The following NDUFV2 variants were observed in gnomAD, a reference collection of about 807,000 sequenced individuals.
NDUFV2 encodes the protein NADH dehydrogenase [ubiquinone] flavoprotein 2, mitochondrial.
Under a neutral mutation model 31.6 loss-of-function variants are expected in NDUFV2, and 18 were observed. The ratio of observed to expected loss-of-function variants is 0.57; its 90% CI spans 0.39 to 0.84. The LOEUF (loss-of-function observed/expected upper bound fraction) is 0.84, where lower values mean the gene tolerates loss of function less well. Ranked by LOEUF, NDUFV2 falls within the 40% of genes least tolerant of loss-of-function variation. The probability of loss-of-function intolerance (pLI) is 0.00; values close to 1 mark genes in which losing one functional copy is unlikely to be tolerated. For missense variants in NDUFV2, 314 were observed against 303.6 expected, an observed-to-expected ratio of 1.03 and a Z score of -0.26; for synonymous variants, 83 against 99.8, an observed-to-expected ratio of 0.83 and a Z score of 1.01.
intron 4 of NDUFV2, among the ~76,000 whole-genome samples, chr18:9,119,863 A>T (rs796446576): frequency 4.5e-4 from 69 of 152,238 alleles, no homozygotes; most frequent in African/African-American, 1.6e-3. Flanking sequence ...GGTCAAAGAT[A>T]AAAGATTCCA....
chr18:9,128,582 G>A (rs997266599), intron 7 of NDUFV2, among the ~76,000 whole-genome samples: 4 of 152,014 alleles, frequency 2.6e-5, no homozygotes, highest in African/African-American at 9.7e-5. Flanking sequence ...CTTTATGGAG[G>A]CAACTGAAGT....
chr18:9,117,623 G>A (rs2077905341), intron 1 of NDUFV2: 3 of 498,768 alleles, frequency 6.0e-6, no homozygotes, highest in East Asian at 6.9e-5. Flanking sequence ...CTATTGACTC[G>A]TGTGTGTGAT....
chr18:9,118,815 G>GTT (rs71168030), intron 2 of NDUFV2, among the ~76,000 whole-genome samples: 21,582 of 76,614 alleles, frequency 0.28, 3,896 homozygotes, highest in South Asian at 0.48. Context: ...AGATGGTGCT[G>GTT]TTTTTTTTTT....
At chr18:9,127,827 T>G (rs1330773027) in intron 7 of NDUFV2, among the ~76,000 whole-genome samples, 3 of 152,208 alleles carry the variant, frequency 2.0e-5, no homozygotes, top group Non-Finnish European at 2.9e-5. Flanking sequence ...TGGGACTGCC[T>G]CCTTTGTTCC....
intron 1 of NDUFV2, chr18:9,104,289 G>C: frequency 1.2e-6 from 2 of 1,611,576 alleles, no homozygotes; most frequent in Non-Finnish European, 1.7e-6. Flanking sequence ...CTCCTGGCGT[G>C]CCATACTAAA....
chr18:9,131,466 G>A (rs1308245363), intron 7 of NDUFV2, among the ~76,000 whole-genome samples: 3 of 152,110 alleles, frequency 2.0e-5, no homozygotes, highest in African/African-American at 7.2e-5. Flanking sequence ...TTTTTAGTAT[G>A]GATTAGTTTA....
intron 7 of NDUFV2, 112 bp from the exon 8 acceptor site, chr18:9,134,074 T>G: frequency 1.4e-6 from 1 of 733,954 alleles, no homozygotes; most frequent in South Asian, 1.6e-5. Context: ...CTATGCTAGT[T>G]CTTAGGGTAA....
chr18:9,126,264 C>G (rs1388994001), intron 6 of NDUFV2, among the ~76,000 whole-genome samples: 1 of 152,126 alleles, frequency 6.6e-6, no homozygotes, highest in Non-Finnish European at 1.5e-5. Flanking sequence ...TACTTTGTAC[C>G]TTACTGTTTC....
intron 6 of NDUFV2, among the ~76,000 whole-genome samples, chr18:9,126,279 G>C (rs1173690687): frequency 6.6e-6 from 1 of 152,114 alleles, no homozygotes; most frequent in Non-Finnish European, 1.5e-5. Context: ...TGTTTCTTCA[G>C]TAATACAGCA....
intron 2 of NDUFV2, 40 bp from the exon 3 acceptor site, chr18:9,119,282 TGAGA>T (rs1257283264): frequency 6.2e-6 from 9 of 1,443,528 alleles, no homozygotes; most frequent in Non-Finnish European, 7.8e-6. Flanking sequence ...CATTCACACT[TGAGA>T]GAATTTGGAT....
chr18:9,124,291 T>A (rs926108567), intron 5 of NDUFV2, among the ~76,000 whole-genome samples: 24 of 149,988 alleles, frequency 1.6e-4, no homozygotes, highest in Admixed American at 3.3e-4. Context: ...TGTAAAAAAA[T>A]TTTTAATTTT....
At chr18:9,125,851 C>T (rs1200201143) in intron 6 of NDUFV2, among the ~76,000 whole-genome samples, 1 of 152,122 alleles carries the variant, frequency 6.6e-6, no homozygotes, top group Non-Finnish European at 1.5e-5. Flanking sequence ...CTCTGTTCCT[C>T]CGGTGTGAAA....
intron 1 of NDUFV2, among the ~76,000 whole-genome samples, chr18:9,109,569 T>C (rs928871138): frequency 5.9e-5 from 9 of 152,224 alleles, no homozygotes; most frequent in Admixed American, 5.2e-4. Flanking sequence ...TATAAAACTT[T>C]AATTTTTGTC....
At chr18:9,117,105 C>T (rs537122548) in intron 1 of NDUFV2, among the ~76,000 whole-genome samples, 6 of 151,232 alleles carry the variant, frequency 4.0e-5, no homozygotes, top group African/African-American at 1.5e-4. Flanking sequence ...GGCGCGATCT[C>T]GGCTCACTGC....
At chr18:9,105,532 A>T (rs1460001110) in intron 1 of NDUFV2, among the ~76,000 whole-genome samples, 2 of 152,170 alleles carry the variant, frequency 1.3e-5, no homozygotes, top group Admixed American at 6.5e-5. Context: ...TGTTGATGCC[A>T]CTTTAGAACT....
chr18:9,105,074 A>G (rs1013710027), intron 1 of NDUFV2: 34 of 1,244,290 alleles, frequency 2.7e-5, no homozygotes, highest in Non-Finnish European at 3.3e-5. Context: ...TTAATGCTAC[A>G]TAGCATTCCA....
At chr18:9,106,553 A>T (rs1196334434) in intron 1 of NDUFV2, among the ~76,000 whole-genome samples, 1 of 152,144 alleles carries the variant, frequency 6.6e-6, no homozygotes, top group Non-Finnish European at 1.5e-5. Flanking sequence ...GAGATTCTTA[A>T]ACTTGATTTT....
rs763361243 is a variant in NDUFV2 at position 9,119,352 on chromosome 18, T to G, written c.147T>G (p.Pro49=). ...ACAGAGATACTCCTGAGAATAACCC[T>G]GATACTCCATTTGATTTCACACCAG... The part of the protein sequence containing the change: ...FVHRDTPENN[P]DTPFDFTPEN... Residue 49 remains proline, a synonymous_variant, in exon 3 of 8, where the codon CCT becomes CCG. Transcript: ENST00000318388. 1.4e-5 allele frequency: 23 copies of G among 1,612,952 alleles called. 1 individual carries two copies. In the East Asian group the frequency reaches 5.1e-4, roughly 36 times the overall value.
chr18:9,116,361 T>TTC (rs1313528609), intron 1 of NDUFV2, among the ~76,000 whole-genome samples: 3 of 152,238 alleles, frequency 2.0e-5, no homozygotes, highest in Non-Finnish European at 4.4e-5. Context: ...TTAATCCTTT[T>TTC]ATTATAAGTA....
Sources: gnomAD v4.1 joint callset for allele counts (sites outside exome capture counted in the v4.1 genomes callset) on GRCh38, gnomAD v4.1.1 for gene constraint, MANE v1.5 for transcripts, NCBI Gene and HGNC (gene_info 2026-07-23, HGNC 2026-07-21) for gene names.